Variants in GPC5 observed in about 807,000 individuals in gnomAD.
GPC5 encodes glypican 5, also known as glypican-5.
A neutral mutation model predicts 53.9 loss-of-function variants in GPC5; 47 were observed. The ratio of observed to expected loss-of-function variants is 0.87; its 90% CI spans 0.69 to 1.11. GPC5 has a LOEUF of 1.11. GPC5 is among the 50% of genes most tolerant of loss of function. The probability of loss-of-function intolerance (pLI) is 0.00; values close to 1 mark genes in which losing one functional copy is unlikely to be tolerated. For missense variants in GPC5, 748 were observed against 713.1 expected (o/e 1.05, Z -0.56); for synonymous variants, 286 against 263.3 (o/e 1.09, Z -0.84).
intron 7 of GPC5, among the ~76,000 whole-genome samples, chr13:92,175,504 A>T (rs1399198435): frequency 6.6e-6 from 1 of 152,174 alleles, no homozygotes; most frequent in African/African-American, 2.4e-5. Context: ...GCTGTAGTCC[A>T]GCTATCTAAG....
intron 7 of GPC5, among the ~76,000 whole-genome samples, chr13:92,385,399 CACATATATACACATATATAT>C (rs1290121527): frequency 2.4e-4 from 14 of 57,586 alleles, no homozygotes; most frequent in East Asian, 4.7e-4. Context: ...TACATATATA[CACATATATACACATATATAT>C]ACATATATAC....
intron 2 of GPC5, among the ~76,000 whole-genome samples, chr13:91,575,726 A>G (rs1397627972): frequency 6.6e-6 from 1 of 152,156 alleles, no homozygotes; most frequent in African/African-American, 2.4e-5. Flanking sequence ...TATGAGACCA[A>G]TTGGGTGGCT....
chr13:92,613,338 ATATT>A (rs1424304057), intron 7 of GPC5, among the ~76,000 whole-genome samples: 6 of 104,144 alleles, frequency 5.8e-5, no homozygotes, highest in South Asian at 2.8e-4. Flanking sequence ...ATAATATAAT[ATATT>A]TATATATAAA....
intron 6 of GPC5, chr13:91,996,517 T>C (rs1269285843): frequency 6.6e-6 from 1 of 152,178 alleles, no homozygotes; most frequent in Admixed American, 6.5e-5. Context: ...AGTAAGTTTT[T>C]AAAAGCAAAA....
At chr13:92,242,808 G>A (rs1434400685) in intron 7 of GPC5, among the ~76,000 whole-genome samples, 1 of 152,054 alleles carries the variant, frequency 6.6e-6, no homozygotes, top group Non-Finnish European at 1.5e-5. Flanking sequence ...TTTTATTAAA[G>A]AGTTACGGTC....
intron 6 of GPC5, 132 bp from the exon 7 acceptor site, chr13:92,144,698 A>G: frequency 1.3e-6 from 1 of 789,758 alleles, no homozygotes; most frequent in Non-Finnish European, 2.0e-6. Context: ...ATTTTTCTTA[A>G]AGACTTGACT....
At chr13:91,647,685 A>G (rs2034595618) in intron 2 of GPC5, among the ~76,000 whole-genome samples, 1 of 152,204 alleles carries the variant, frequency 6.6e-6, no homozygotes, top group Non-Finnish European at 1.5e-5. Context: ...ACTACACAGC[A>G]GACTAGAACC....
intron 5 of GPC5, among the ~76,000 whole-genome samples, chr13:91,761,172 C>G (rs537393895): frequency 1.3e-4 from 20 of 152,224 alleles, no homozygotes; most frequent in African/African-American, 4.8e-4. Context: ...CCAGGGCTTC[C>G]TTTTCCCTTT....
At chr13:91,623,973 A>G (rs1267348662) in intron 2 of GPC5, among the ~76,000 whole-genome samples, 2 of 152,174 alleles carry the variant, frequency 1.3e-5, no homozygotes, top group Non-Finnish European at 2.9e-5. Flanking sequence ...TACAAGTGGT[A>G]GTAAAGGGAG....
At chr13:91,915,458 T>C (rs902510082) in intron 6 of GPC5, among the ~76,000 whole-genome samples, 90 of 152,078 alleles carry the variant, frequency 5.9e-4, no homozygotes, top group African/African-American at 2.1e-3. Flanking sequence ...GGATTGGCCA[T>C]TGGTAATTTC....
At chr13:92,510,170 T>C (rs1342481701) in intron 7 of GPC5, 2 of 151,596 alleles carry the variant, frequency 1.3e-5, no homozygotes, top group Admixed American at 1.3e-4. Flanking sequence ...AAATTGTTTC[T>C]AGATAAACAT....
chr13:92,424,811 T>TATTC (rs552617474), intron 7 of GPC5, among the ~76,000 whole-genome samples: 1,378 of 82,746 alleles, frequency 0.017, 7 homozygotes, highest in South Asian at 0.032. Flanking sequence ...AATATTCATC[T>TATTC]ATTCATTCAT....
chr13:91,660,486 T>C (rs1474930293), intron 2 of GPC5, among the ~76,000 whole-genome samples: 3 of 152,178 alleles, frequency 2.0e-5, no homozygotes, highest in African/African-American at 7.2e-5. Flanking sequence ...CCCGGCAGAT[T>C]CCCTGAACAT....
At chr13:92,780,664 CCT>C (rs1875989559) in intron 7 of GPC5, among the ~76,000 whole-genome samples, 1 of 149,310 alleles carries the variant, frequency 6.7e-6, no homozygotes, top group Non-Finnish European at 1.5e-5. Context: ...AGATTGGTGC[CCT>C]CTTTGTGCAG....
At chr13:92,724,080 A>G (rs1039887637) in intron 7 of GPC5, among the ~76,000 whole-genome samples, 1 of 151,528 alleles carries the variant, frequency 6.6e-6, no homozygotes, top group Non-Finnish European at 1.5e-5. Context: ...TTTTTGTTGT[A>G]TAAGTTTAAA....
At chr13:91,729,663 G>C (rs1314424296) in intron 4 of GPC5, among the ~76,000 whole-genome samples, 2 of 152,036 alleles carry the variant, frequency 1.3e-5, no homozygotes, top group African/African-American at 4.8e-5. Flanking sequence ...AAAAGAATTA[G>C]CATTTTATTT....
At chr13:91,641,486 A>G (rs2034428868) in intron 2 of GPC5, among the ~76,000 whole-genome samples, 1 of 152,224 alleles carries the variant, frequency 6.6e-6, no homozygotes, top group Admixed American at 6.5e-5. Flanking sequence ...GAGGGAGAGC[A>G]TTAGAAAAAA....
At chr13:92,805,917 GC>G (rs368491496) in intron 7 of GPC5, among the ~76,000 whole-genome samples, 237 of 152,070 alleles carry the variant, frequency 1.6e-3, no homozygotes, top group South Asian at 4.8e-3. Flanking sequence ...ATGAGCTTTG[GC>G]TTTAAGTCAC....
intron 5 of GPC5, among the ~76,000 whole-genome samples, chr13:91,869,939 C>T (rs980725336): frequency 1.3e-5 from 2 of 152,148 alleles, no homozygotes; most frequent in African/African-American, 4.8e-5. Flanking sequence ...CCCCATGATA[C>T]AATCACCTCC....
Sources: gnomAD v4.1 joint callset for allele counts (sites outside exome capture counted in the v4.1 genomes callset) on GRCh38, gnomAD v4.1.1 for gene constraint, MANE v1.5 for transcripts, NCBI Gene and HGNC (gene_info 2026-07-23, HGNC 2026-07-21) for gene names.